Variants in KLHL5 observed in about 807,000 individuals in gnomAD.
KLHL5 encodes the protein kelch-like protein 5.
KLHL5 carries 48 observed loss-of-function variants against 77.7 expected under a neutral mutation model. The ratio of observed to expected loss-of-function variants is 0.62; its 90% CI spans 0.49 to 0.79. The LOEUF is 0.79. Among genes scored for constraint, KLHL5 ranks in the 30% least tolerant of loss-of-function variants. The pLI, the probability that KLHL5 is intolerant of heterozygous loss-of-function variation, is 0.00. For synonymous variants in KLHL5, 260 were observed against 297.0 expected (o/e 0.88, Z 1.28); for missense variants, 723 against 859.7 (o/e 0.84, Z 1.99).
At chr4:39,066,564 A>G (rs2566131) in intron 1 of KLHL5, among the ~76,000 whole-genome samples, 81 of 151,986 alleles carry the variant, frequency 5.3e-4, no homozygotes, top group Non-Finnish European at 9.9e-4. Context: ...ACATTCCTCA[A>G]CTTACAATGG....
At chr4:39,048,557 T>C (rs1296279476) in intron 1 of KLHL5, among the ~76,000 whole-genome samples, 2 of 150,896 alleles carry the variant, frequency 1.3e-5, no homozygotes, top group Non-Finnish European at 3.0e-5. Flanking sequence ...ATGGTCAGTC[T>C]CAGGCTGTTG....
intron 6 of KLHL5, among the ~76,000 whole-genome samples, chr4:39,098,725 C>T (rs918611372): frequency 6.6e-5 from 10 of 151,716 alleles, no homozygotes; most frequent in Admixed American, 5.9e-4. Flanking sequence ...CACCATGCCC[C>T]GCTAATTTTT....
In KLHL5 at chr4:39,081,362, C is replaced by G; in HGVS notation, c.703+123C>G. The G allele has an allele frequency of 3.0e-6, 2 of 668,126 alleles. No individual in the cohort carries two copies. The highest frequency in any genetic ancestry group is 4.6e-6 in the Non-Finnish European group (2 of 438,124). The allele number at this position is 668,126 out of a possible 1,614,324, so 41.4% of individuals were successfully genotyped here. A position where few individuals can be genotyped will look rare whatever the true frequency, so the allele number is the denominator to read the frequency against. On this transcript the variant is annotated intron_variant, in intron 3 of 10. Coordinates refer to ENST00000504108, the MANE Select transcript of KLHL5 (RefSeq NM_015990.5). This position sits in a 1 kb window ranked among gnomAD's most constrained non-coding sequence, Gnocchi z 4.3. Reference sequence around the variant, plus strand: ...TTAGTTCTGCTATTGTCATTACTACCCTTTGTATTTAACCTGGTGATGAAT... The same window carrying G: ...TTAGTTCTGCTATTGTCATTACTACGCTTTGTATTTAACCTGGTGATGAAT...
At chr4:39,064,286 T>A (rs1197708673) in intron 1 of KLHL5, among the ~76,000 whole-genome samples, 1 of 152,118 alleles carries the variant, frequency 6.6e-6, no homozygotes, top group African/African-American at 2.4e-5. Context: ...TTTTTTTTAA[T>A]TAGTTCATGA....
upstream of KLHL5, among the ~76,000 whole-genome samples, chr4:39,059,856 A>C (rs1717268619): frequency 6.6e-6 from 1 of 152,154 alleles, no homozygotes. Flanking sequence ...CCAAGATCAC[A>C]CCACTGTACT....
At chr4:39,127,075 C>A (rs1723582341), downstream of KLHL5, among the ~76,000 whole-genome samples, 1 of 152,142 alleles carries the variant, frequency 6.6e-6, no homozygotes, top group African/African-American at 2.4e-5. Flanking sequence ...AGAACTCACA[C>A]CTGCAATCCC....
At chr4:39,060,682 A>G (rs989679711), upstream of KLHL5, among the ~76,000 whole-genome samples, 5 of 152,188 alleles carry the variant, frequency 3.3e-5, no homozygotes, top group South Asian at 2.1e-4. Flanking sequence ...TGGTGTGTCT[A>G]TGTTGGAAAA....
In KLHL5 at chr4:39,121,173, G is replaced by GGGCACAAA; in HGVS notation, c.*109_*116dup. ...AGTAAATGTGCATTGTCACAATCCTGGGCACAAAGTGCCTGATGTCAAAAT... is the reference window on the plus strand; with the variant it reads ...AGTAAATGTGCATTGTCACAATCCTGGGCACAAAGGCACAAAGTGCCTGATGTCAAAAT... On this transcript the variant is annotated 3_prime_UTR_variant, in exon 11 of 11. Coordinates refer to ENST00000504108, the MANE Select transcript of KLHL5 (RefSeq NM_015990.5). 1 of 876,090 alleles carries GGGCACAAA rather than the reference G, an allele frequency of 1.1e-6. No homozygotes were observed. Among genetic ancestry groups the GGGCACAAA allele is most frequent in the Non-Finnish European group, 1.9e-6 (1 of 539,854 alleles). The allele number at this position is 876,090 out of a possible 1,614,324, so 54.3% of individuals were successfully genotyped here.
chr4:39,063,431 G>A lies in KLHL5; in HGVS notation c.383+396G>A, dbSNP rs181318104. ...TGTGACATTTTAGTTTATAACAGATGATAGAGTCATTTTTTAATTTAATGA... is the reference window on the plus strand; with the variant it reads ...TGTGACATTTTAGTTTATAACAGATAATAGAGTCATTTTTTAATTTAATGA... On this transcript the variant is annotated intron_variant, in intron 1 of 10. Coordinates refer to ENST00000504108, the MANE Select transcript of KLHL5 (RefSeq NM_015990.5). The A allele has an allele frequency of 1.1e-3, 286 of 266,932 alleles. 2 individuals carry two copies. Among genetic ancestry groups the A allele is most frequent in the African/African-American group, 5.8e-3 (268 of 45,906 alleles). The allele number at this position is 266,932 out of a possible 1,614,324, so 16.5% of individuals were successfully genotyped here.
intron 5 of KLHL5, among the ~76,000 whole-genome samples, chr4:39,090,158 T>C (rs1294110832): frequency 6.6e-6 from 1 of 152,206 alleles, no homozygotes; most frequent in Non-Finnish European, 1.5e-5. Context: ...TAACAATCAT[T>C]AAATTGCCAT....
At chr4:39,069,775 T>C (rs1010871206) in intron 1 of KLHL5, among the ~76,000 whole-genome samples, 1 of 151,988 alleles carries the variant, frequency 6.6e-6, no homozygotes, top group African/African-American at 2.4e-5. Flanking sequence ...TGCCCTAATG[T>C]AAGTTTTTAA....
At chr4:39,047,320 A>C (rs1015262325) in intron 1 of KLHL5, among the ~76,000 whole-genome samples, 1 of 152,184 alleles carries the variant, frequency 6.6e-6, no homozygotes, top group Non-Finnish European at 1.5e-5. Context: ...AAGGAGGCTG[A>C]AGGAGGAGAA....
At chr4:39,082,341 G>A (rs570560910) in intron 4 of KLHL5, among the ~76,000 whole-genome samples, 182 bp downstream of exon 4, 15 of 152,258 alleles carry the variant, frequency 9.9e-5, no homozygotes, top group Admixed American at 7.9e-4. Context: ...AATACTTCTC[G>A]TGGGTATCTG....
At chr4:39,073,361 G>C (rs1250602634) in intron 1 of KLHL5, among the ~76,000 whole-genome samples, 1 of 146,450 alleles carries the variant, frequency 6.8e-6, no homozygotes, top group Non-Finnish European at 1.5e-5. Flanking sequence ...ATTAGCATCT[G>C]TGTTAGATGA....
At chr4:39,074,359 A>G (rs1055491568) in intron 1 of KLHL5, among the ~76,000 whole-genome samples, 1 of 152,198 alleles carries the variant, frequency 6.6e-6, no homozygotes, top group African/African-American at 2.4e-5. Context: ...TCTTAGTTCA[A>G]TGTGAGTGTT....
At chr4:39,069,568 A>ATATATATATATAT (rs1718279187) in intron 1 of KLHL5, among the ~76,000 whole-genome samples, 3 of 144,602 alleles carry the variant, frequency 2.1e-5, no homozygotes, top group African/African-American at 5.2e-5. Flanking sequence ...ATATATATAT[A>ATATATATATATAT]AACCATAGAG....
chr4:39,114,677 C>G (rs1722708436), intron 9 of KLHL5, among the ~76,000 whole-genome samples: 1 of 152,188 alleles, frequency 6.6e-6, no homozygotes. Context: ...TGCTGTTGTA[C>G]TACACTCAGT....
intron 6 of KLHL5, among the ~76,000 whole-genome samples, chr4:39,100,328 C>T (rs1042301368): frequency 3.3e-5 from 5 of 152,202 alleles, no homozygotes; most frequent in African/African-American, 1.2e-4. Context: ...TTCTGACAGT[C>T]ATCAGGTCTT....
At chr4:39,064,525 A>T (rs1717716565) in intron 1 of KLHL5, among the ~76,000 whole-genome samples, 2 of 152,150 alleles carry the variant, frequency 1.3e-5, no homozygotes, top group Admixed American at 1.3e-4. Context: ...ACATTCATTT[A>T]CCAACATAAG....
Sources: gnomAD v4.1 joint callset for allele counts (sites outside exome capture counted in the v4.1 genomes callset) on GRCh38, gnomAD v4.1.1 for gene constraint, Gnocchi (gnomAD v3.1) non-coding constraint, MANE v1.5 for transcripts, NCBI Gene and HGNC (gene_info 2026-07-23, HGNC 2026-07-21) for gene names.